NBPF9: variants seen among roughly 807,000 people sequenced by gnomAD.
NBPF9 encodes NBPF member 9.
A neutral mutation model predicts 97.8 loss-of-function variants in NBPF9; 91 were observed. The observed-to-expected ratio is 0.93, with a 90% CI of 0.79 to 1.11. The LOEUF (loss-of-function observed/expected upper bound fraction) is 1.11. Ranked by LOEUF, NBPF9 falls within the 50% of genes least tolerant of loss-of-function variation. The pLI is 0.00. For missense variants in NBPF9, 992 were observed against 939.5 expected (o/e 1.06, Z -0.73); for synonymous variants, 334 against 359.5 (o/e 0.93, Z 0.80).
exon 17 of NBPF9, chr1:149,069,643 T>A: frequency 3.9e-6 from 3 of 759,530 alleles, no homozygotes; most frequent in Non-Finnish European, 7.2e-6. Context: ...TCACTTTCAT[T>A]TTCTGTAAAT....
At chr1:149,057,694 AAGACAGAT>A (rs1474012534) in intron 27 of NBPF9, among the ~76,000 whole-genome samples, 187 bp from the exon 28 acceptor site, 4 of 34,456 alleles carry the variant, frequency 1.2e-4, no homozygotes, top group African/African-American at 2.9e-4. Flanking sequence ...ATGAAAGAGA[AAGACAGAT>A]AGACACACAC....
At position 149,082,177 on chromosome 1, in the gene NBPF9, G is replaced by A. The variant is rs782284230; in HGVS notation, c.-35-3C>T. 30 of 1,611,774 alleles carry A rather than the reference G, an allele frequency of 1.9e-5. No individual in the cohort carries two copies. The South Asian group carries it at 2.9e-4, about 15-fold the overall frequency. ...GGCAGAAGAGGTGGGGCCAGGGACT[G>A]GGGAGAAGAAACCCAAACATATGAT... is the stretch of plus-strand genomic sequence containing the variant. On this transcript the variant is annotated splice_polypyrimidine_tract_variant and splice_region_variant and intron_variant, in intron 6 of 29. Transcript: ENST00000584027.
At position 149,084,440 on chromosome 1, in the gene NBPF9, A is replaced by T. The variant is rs190257236; in HGVS notation, c.-194-2010T>A. 1.2e-3 allele frequency among the ~76,000 whole-genome samples: 173 copies of T among 147,306 alleles called. 1 individual carries two copies. The highest frequency in any genetic ancestry group is 3.6e-3 in the Middle Eastern group (1 of 280). Reference sequence around the variant, plus strand: ...ATGTGTATATATATTATATATATATATATTTTTCTTTTTTAAGTGGCGGAG... The same window carrying T: ...ATGTGTATATATATTATATATATATTTATTTTTCTTTTTTAAGTGGCGGAG... On this transcript the variant is annotated intron_variant, in intron 5 of 29. Transcript: ENST00000584027.
At chr1:149,089,765 T>G (rs1322254889) in intron 5 of NBPF9, among the ~76,000 whole-genome samples, 1 of 152,310 alleles carries the variant, frequency 6.6e-6, no homozygotes, top group African/African-American at 2.4e-5. Context: ...TATAAAGGGC[T>G]AGTTTATTTC....
intron 5 of NBPF9, among the ~76,000 whole-genome samples, chr1:149,085,759 C>T (rs1374150761): frequency 6.6e-6 from 1 of 151,234 alleles, no homozygotes; most frequent in South Asian, 2.1e-4. Flanking sequence ...ATGAAAACAA[C>T]TTTATAAAGG....
chr1:149,085,618 T>A (rs2080929996), intron 5 of NBPF9, among the ~76,000 whole-genome samples: 1 of 152,120 alleles, frequency 6.6e-6, no homozygotes, highest in African/African-American at 2.4e-5. Context: ...CACCAATTGC[T>A]TTTAGGGGCC....
intron 22 of NBPF9, 116 bp downstream of exon 22, chr1:149,061,977 G>A (rs1390387007): frequency 1.6e-6 from 1 of 623,404 alleles, no homozygotes; most frequent in Non-Finnish European, 2.9e-6. Context: ...TGCGCCCATA[G>A]GTCCTGCCTG....
intron 3 of NBPF9, among the ~76,000 whole-genome samples, chr1:149,100,037 A>G (rs1575883658): frequency 6.9e-6 from 1 of 145,946 alleles, no homozygotes; most frequent in Non-Finnish European, 1.5e-5. Flanking sequence ...GTAGAATACT[A>G]TTGTTTACAT....
chr1:149,092,963 A>G (rs1409164749), intron 4 of NBPF9, among the ~76,000 whole-genome samples: 16 of 152,118 alleles, frequency 1.1e-4, no homozygotes, highest in African/African-American at 3.9e-4. Context: ...CACAGAGACA[A>G]AGTACAGAGA....
intron 5 of NBPF9, among the ~76,000 whole-genome samples, chr1:149,084,774 C>T (rs1233367327): frequency 6.7e-6 from 1 of 149,796 alleles, no homozygotes; most frequent in Non-Finnish European, 1.5e-5. Flanking sequence ...CAAGCTTTGT[C>T]ATGAATGGGC....
intron 4 of NBPF9, among the ~76,000 whole-genome samples, chr1:149,093,657 G>GC (rs1341747683): frequency 1.6e-5 from 2 of 122,714 alleles, no homozygotes; most frequent in African/African-American, 6.5e-5. Context: ...ACCCTGAACA[G>GC]CCCTTAATCC....
intron 5 of NBPF9, among the ~76,000 whole-genome samples, chr1:149,089,886 G>A (rs587602323): frequency 6.6e-6 from 1 of 152,222 alleles, no homozygotes; most frequent in East Asian, 1.9e-4. Flanking sequence ...GAAGGTGCAA[G>A]AGAATAGAAG....
At chr1:149,059,594 T>A in intron 25 of NBPF9, 106 bp downstream of exon 25, 1 of 505,122 alleles carries the variant, frequency 2.0e-6, no homozygotes, top group East Asian at 2.6e-5. Context: ...GTAGGAGTAA[T>A]TCAGCCTTCG....
At chr1:149,086,857 A>G (rs1366799692) in intron 5 of NBPF9, among the ~76,000 whole-genome samples, 2 of 152,144 alleles carry the variant, frequency 1.3e-5, no homozygotes, top group Admixed American at 1.3e-4. Context: ...TGGTCTGGAA[A>G]CACACATACA....
intron 5 of NBPF9, among the ~76,000 whole-genome samples, chr1:149,088,446 G>C (rs1327441776): frequency 6.6e-6 from 1 of 152,134 alleles, no homozygotes; most frequent in African/African-American, 2.4e-5. Context: ...TGAATTAGAA[G>C]AGTAACAACA....
chr1:149,063,590 A>G, intron 20 of NBPF9, 43 bp downstream of exon 20: 1 of 611,390 alleles, frequency 1.6e-6, no homozygotes. Flanking sequence ...CCCTAACCAG[A>G]AGACTCAGTG....
chr1:149,062,556 G>C (rs587621053), intron 21 of NBPF9, among the ~76,000 whole-genome samples: 1 of 141,230 alleles, frequency 7.1e-6, no homozygotes, highest in Non-Finnish European at 1.6e-5. Context: ...TAGTGCCCTC[G>C]GGACACACAG....
intron 5 of NBPF9, among the ~76,000 whole-genome samples, chr1:149,085,198 G>A (rs1337928233): frequency 1.3e-5 from 2 of 151,986 alleles, no homozygotes; most frequent in Non-Finnish European, 2.9e-5. Context: ...CCCCTCCTGT[G>A]TGTGGCTGGA....
exon 22 of NBPF9, chr1:149,062,228 C>G (rs2078655458): frequency 4.2e-6 from 4 of 949,898 alleles, no homozygotes; most frequent in African/African-American, 1.7e-5. Flanking sequence ...TCCTGCAAGA[C>G]TTCAGGCTCT....
Sources: gnomAD v4.1 joint callset for allele counts (sites outside exome capture counted in the v4.1 genomes callset) on GRCh38, gnomAD v4.1.1 for gene constraint, MANE v1.5 for transcripts, NCBI Gene and HGNC (gene_info 2026-07-23, HGNC 2026-07-21) for gene names.